FKBP7: variants seen among roughly 807,000 people sequenced by gnomAD.
FKBP7 encodes peptidyl-prolyl cis-trans isomerase FKBP7.
FKBP7 carries 24 observed loss-of-function variants against 24.3 expected under a neutral mutation model. The observed-to-expected ratio is 0.99, with a 90% CI of 0.72 to 1.39. FKBP7 has a LOEUF of 1.39. Ranked by LOEUF, FKBP7 falls within the 40% of genes most tolerant of loss-of-function variation. The pLI is 0.00. For missense variants in FKBP7, 257 were observed against 269.5 expected (o/e 0.95, Z 0.33); for synonymous variants, 98 against 92.8 (o/e 1.06, Z -0.32).
chr2:178,468,884 G>A lies in FKBP7; in HGVS notation c.507+768C>T, dbSNP rs1312565051. Among the ~76,000 whole-genome samples the A allele has an allele frequency of 2.6e-4, 31 of 121,326 alleles. No individual in the cohort carries two copies. The Admixed American group carries it at 2.6e-3, about 10-fold the overall frequency. 79.6% of individuals were successfully genotyped at this position (121,326 alleles called of 152,430 possible). A position where few individuals can be genotyped will look rare whatever the true frequency, so the allele number is the denominator to read the frequency against. On this transcript the variant is annotated intron_variant, in intron 3 of 3. Transcript: ENST00000424785. ...CTATTATTATCTTTTTTTTTTTTTT[G>A]GAGGCAAGGTCTCAGTCTATCTTCC... is the stretch of plus-strand genomic sequence containing the variant.
chr2:178,477,205 T>G lies in FKBP7; in HGVS notation c.230A>C (p.Gln77Pro). Residue 77 changes from glutamine (Q) to proline (P), a missense_variant, in exon 2 of 4, where the codon CAA becomes CCA. Physicochemically the swap from Gln to Pro is moderately conservative, Grantham distance 76 (BLOSUM62 -1). Transcript: ENST00000424785. ...AAACCATTTGGGGTGGCCTTCATTT[T>G]GTGTCCGGCTATAACAAAAAGCAAT... Reference protein sequence around the residue: ...DGSKFYCSRTQNEGHPKWFVL... With the variant: ...DGSKFYCSRTPNEGHPKWFVL... 6.2e-7 allele frequency: 1 copy of G among 1,610,526 alleles called. No homozygotes were observed. Among genetic ancestry groups the G allele is most frequent in the East Asian group, 2.2e-5 (1 of 44,836 alleles).
rs1455641823 is a variant in FKBP7, at chr2:178,465,682, T to C, written c.*88A>G. 5 of 1,249,324 alleles carry C rather than the reference T, an allele frequency of 4.0e-6. No individual in the cohort carries two copies. In the African/African-American group the frequency reaches 4.6e-5, roughly 12 times the overall value. 77.4% of individuals were successfully genotyped at this position (1,249,324 alleles called of 1,614,324 possible). Reference sequence around the variant, plus strand: ...AAAATATCTTCTCATAGGGGAAAAATAGCAAATACAACTTGGAGAAAAGTG... The same window carrying C: ...AAAATATCTTCTCATAGGGGAAAAACAGCAAATACAACTTGGAGAAAAGTG... On this transcript the variant is annotated 3_prime_UTR_variant, in exon 4 of 4. Transcript: ENST00000424785.
Position 178,465,795 on chromosome 2 carries a change from T to A in FKBP7, c.644A>T (p.Asn215Ile), listed in dbSNP as rs748784805. The A allele has an allele frequency of 3.1e-6, 5 of 1,606,586 alleles. No homozygotes were observed. The highest frequency in any genetic ancestry group is 4.2e-6 in the Non-Finnish European group (5 of 1,177,326). ...GDGFISPKEY[N>I]VYQHDEL ...CTATAGTTCATCGTGTTGGTATACA[T>A]TGTATTCCTTGGGAGAAATGAAGCC... The change falls in exon 4 of 4, where the codon AAT (asparagine) becomes ATT (isoleucine). Residue 215 changes from asparagine to isoleucine, a missense_variant. By Grantham distance (149) the Asn-to-Ile change is moderately radical (BLOSUM62 -3). Transcript: ENST00000424785.
chr2:178,465,949 C>A lies in FKBP7; in HGVS notation c.508-18G>T. On this transcript the variant is annotated intron_variant, in intron 3 of 3. Coordinates refer to ENST00000424785, the MANE Select transcript of FKBP7 (RefSeq NM_181342.3). ...AGGTTTATCTGGAAGGCCAAAATAA[C>A]ATTCCTTTAATTAAAAGGTATCACA... 6.4e-7 allele frequency: 1 copy of A among 1,567,038 alleles called. No individual in the cohort carries two copies. Among genetic ancestry groups the A allele is most frequent in the Non-Finnish European group, 8.6e-7 (1 of 1,160,206 alleles).
intron 2 of FKBP7, among the ~76,000 whole-genome samples, chr2:178,473,310 G>C (rs920641540): frequency 6.6e-6 from 1 of 152,204 alleles, no homozygotes; most frequent in African/African-American, 2.4e-5. Flanking sequence ...CGCAGGCAAG[G>C]TCAGTATTAA....
rs1684640453 is a variant in FKBP7, at chr2:178,465,864, G to A, written c.575C>T (p.Ala192Val). The A allele has an allele frequency of 1.2e-6, 2 of 1,611,572 alleles. No individual in the cohort carries two copies. The highest frequency in any genetic ancestry group is 1.3e-5 in the African/African-American group (1 of 74,862). The change falls in exon 4 of 4, where the codon GCA becomes GTA. Residue 192 changes from alanine to valine, a missense_variant. Physicochemically the swap from Ala to Val is moderately conservative, Grantham distance 64 (BLOSUM62 0). Coordinates refer to ENST00000424785, the MANE Select transcript of FKBP7 (RefSeq NM_181342.3). ...CTTCTTAAAAATATCTTCTAAAACT[G>A]CATCCTGATATGACTTGTCACGTGG... is the stretch of plus-strand genomic sequence containing the variant. ...EKPRDKSYQDAVLEDIFKKND... is the reference protein window; with the variant it reads ...EKPRDKSYQDVVLEDIFKKND...
chr2:178,476,774 C>T (rs985194299), intron 2 of FKBP7, among the ~76,000 whole-genome samples: 2 of 146,056 alleles, frequency 1.4e-5, no homozygotes, highest in African/African-American at 5.1e-5. Flanking sequence ...TGGTCCTGGC[C>T]TCAAGTGATT....
rs377116530 is a variant in FKBP7, at chr2:178,469,855, A to G, written c.374-70T>C. 4.8e-6 allele frequency: 6 copies of G among 1,254,436 alleles called. No homozygotes were observed. The South Asian group carries it at 7.2e-5, about 15-fold the overall frequency. The allele number at this position is 1,254,436 out of a possible 1,614,324, so 77.7% of individuals were successfully genotyped here. A position where few individuals can be genotyped will look rare whatever the true frequency, so the allele number is the denominator to read the frequency against. On this transcript the variant is annotated intron_variant, in intron 2 of 3. Transcript: ENST00000424785. ...TTCAAATATCTATTCATGAACTGCCATAACCATATTATATTATTTCATGTT... is the reference window on the plus strand; with the variant it reads ...TTCAAATATCTATTCATGAACTGCCGTAACCATATTATATTATTTCATGTT...
At chr2:178,467,554 G>A (rs1684707539) in intron 3 of FKBP7, among the ~76,000 whole-genome samples, 1 of 152,026 alleles carries the variant, frequency 6.6e-6, no homozygotes, top group Admixed American at 6.6e-5. Context: ...AGATAAGTAA[G>A]TATCTATATT....
intron 3 of FKBP7, among the ~76,000 whole-genome samples, chr2:178,466,385 G>A (rs1684658522): frequency 6.6e-6 from 1 of 152,018 alleles, no homozygotes; most frequent in South Asian, 2.1e-4. Context: ...GTTTTTCTAT[G>A]CTTCTATAGC....
At position 178,465,482 on chromosome 2, in the gene FKBP7, C is replaced by T. The variant is rs1276676216; in HGVS notation, c.*288G>A. 2 of 220,570 alleles carry T rather than the reference C, an allele frequency of 9.1e-6. No individual in the cohort carries two copies. The highest frequency in any genetic ancestry group is 1.8e-5 in the Non-Finnish European group (2 of 114,068). The allele number at this position is 220,570 out of a possible 1,614,324, so 13.7% of individuals were successfully genotyped here. On this transcript the variant is annotated 3_prime_UTR_variant, in exon 4 of 4. Coordinates refer to ENST00000424785, the MANE Select transcript of FKBP7 (RefSeq NM_181342.3). The stretch of plus-strand genomic sequence containing the variant: ...GTTTTTGACATACTATACATGTCCT[C>T]CTACATCCTGAAAGGGGAAAAAATG...
Position 178,478,341 on chromosome 2 carries a change from T to C in FKBP7, c.159A>G (p.Gly53=), listed in dbSNP as rs182038163. 35 of 1,614,220 alleles carry C rather than the reference T, an allele frequency of 2.2e-5. No homozygotes were observed. In the African/African-American group the frequency reaches 4.4e-4, roughly 20 times the overall value. The change falls in exon 1 of 4, where the codon GGA becomes GGG. Residue 53 remains glycine (G), a synonymous_variant. Coordinates refer to ENST00000424785, the MANE Select transcript of FKBP7 (RefSeq NM_181342.3). ...CGTCATAATGGGCATTTAGTAGGTC[T>C]CCCTTCTTGCTTGTCTTAGAGCAGT... ...PENCSKTSKK[G]DLLNAHYDGY...
chr2:178,468,608 A>C (rs1012426403), intron 3 of FKBP7, among the ~76,000 whole-genome samples: 2 of 152,128 alleles, frequency 1.3e-5, no homozygotes, highest in African/African-American at 4.8e-5. Flanking sequence ...GGCAACAGAG[A>C]AAGACCCTGT....
Position 178,469,749 on chromosome 2 carries a change from A to G in FKBP7, c.410T>C (p.Phe137Ser), listed in dbSNP as rs745921255. 1.9e-6 allele frequency: 3 copies of G among 1,613,932 alleles called. No individual in the cohort carries two copies. Among genetic ancestry groups the G allele is most frequent in the South Asian group, 1.1e-5 (1 of 91,022 alleles). The change falls in exon 3 of 4, where the codon TTT (phenylalanine) becomes TCT (serine). Residue 137 changes from phenylalanine to serine, a missense_variant. Coordinates refer to ENST00000424785, the MANE Select transcript of FKBP7 (RefSeq NM_181342.3). ...GGTCACAGCATAAAGTTCAATCTCA[A>G]AAATCAATGTAGCATCCGGTGGAAT... ...GKIPPDATLI[F>S]EIELYAVTKG...
At chr2:178,468,784 T>A (rs1156250185) in intron 3 of FKBP7, among the ~76,000 whole-genome samples, 2 of 152,056 alleles carry the variant, frequency 1.3e-5, no homozygotes, top group Admixed American at 1.3e-4. Flanking sequence ...TAAACTATCA[T>A]GAAGATTACA....
At chr2:178,471,281 C>T (rs1684841815) in intron 2 of FKBP7, among the ~76,000 whole-genome samples, 1 of 151,836 alleles carries the variant, frequency 6.6e-6, no homozygotes, top group South Asian at 2.1e-4. Flanking sequence ...ACGATCTCGG[C>T]TCACTGTAAC....
Position 178,469,745 on chromosome 2 carries a change from C to T in FKBP7, c.414G>A (p.Glu138=), listed in dbSNP as rs1335173595. ...KIPPDATLIF[E]IELYAVTKGP... ...CTTTGGTCACAGCATAAAGTTCAAT[C>T]TCAAAAATCAATGTAGCATCCGGTG... Residue 138 remains glutamate, a synonymous_variant, in exon 3 of 4, where the codon GAG becomes GAA. Coordinates refer to ENST00000424785, the MANE Select transcript of FKBP7 (RefSeq NM_181342.3). 1.2e-6 allele frequency: 2 copies of T among 1,613,734 alleles called. No individual in the cohort carries two copies. The highest frequency in any genetic ancestry group is 3.3e-5 in the Admixed American group (2 of 59,916).
chr2:178,469,501 A>C, intron 3 of FKBP7, 151 bp downstream of exon 3: 237 of 714,642 alleles, frequency 3.3e-4, no homozygotes, highest in Non-Finnish European at 4.6e-4. Flanking sequence ...AGCTTTTTCT[A>C]AGCGCTTAGA....
At chr2:178,470,837 T>C (rs1684828503) in intron 2 of FKBP7, among the ~76,000 whole-genome samples, 1 of 152,038 alleles carries the variant, frequency 6.6e-6, no homozygotes, top group South Asian at 2.1e-4. Flanking sequence ...TACAAAGAAA[T>C]TGTATACATT....
Sources: gnomAD v4.1 joint callset for allele counts (sites outside exome capture counted in the v4.1 genomes callset) on GRCh38, gnomAD v4.1.1 for gene constraint, MANE v1.5 for transcripts, NCBI Gene and HGNC (gene_info 2026-07-23, HGNC 2026-07-21) for gene names.